RPL7A: variants seen among roughly 807,000 people sequenced by gnomAD.
The protein encoded by RPL7A is large ribosomal subunit protein eL8.
For synonymous variants in RPL7A, 158 were observed against 128.2 expected (o/e 1.23, Z -1.57); for missense variants, 291 against 338.2 (o/e 0.86, Z 1.09).
chr9:133,349,508 C>T, intron 2 of RPL7A, 43 bp from the exon 3 acceptor site: 3 of 1,613,806 alleles, frequency 1.9e-6, no homozygotes, highest in African/African-American at 1.3e-5. Context: ...ATGAACTTGA[C>T]ATGGAATTTG....
Position 133,350,326 on chromosome 9 carries a change from T to C in RPL7A, c.495+7T>C, listed in dbSNP as rs2129992896. 2 of 1,613,906 alleles carry C rather than the reference T, an allele frequency of 1.2e-6. No homozygotes were observed. Among genetic ancestry groups the C allele is most frequent in the Non-Finnish European group, 1.7e-6 (2 of 1,179,950 alleles). On this transcript the variant is annotated splice_region_variant and intron_variant, in intron 5 of 7. Coordinates refer to ENST00000323345, the MANE Select transcript of RPL7A (RefSeq NM_000972.3). Reference sequence around the variant, plus strand: ...CGACGTGGATCCCATCGAGGTGCGTTTGCCTGTTGACTGCTAACCCAAGGG... The same window carrying C: ...CGACGTGGATCCCATCGAGGTGCGTCTGCCTGTTGACTGCTAACCCAAGGG...
rs2129976878 is a variant in RPL7A at position 133,348,224 on chromosome 9, C to T, written c.-20C>T. The T allele has an allele frequency of 1.8e-5, 29 of 1,614,062 alleles. No homozygotes were observed. Among genetic ancestry groups the T allele is most frequent in the Admixed American group, 1.2e-4 (7 of 60,024 alleles). On this transcript the variant is annotated 5_prime_UTR_variant, in exon 1 of 8. Transcript: ENST00000323345. ...TTACCCACAATTCCCTTTCCTTTCT[C>T]TCTCCTCCCGCCGCCCAAGATGGTG...
rs199871779 is a variant in RPL7A at position 133,350,065 on chromosome 9, C to T, written c.415+13C>T. On this transcript the variant is annotated intron_variant, in intron 4 of 7. Coordinates refer to ENST00000323345, the MANE Select transcript of RPL7A (RefSeq NM_000972.3). Reference sequence around the variant, plus strand: ...GTCCTTCGAGCAGGTGAGTAGGCCCCACCTTAGGGTGAACACTGGGGGCGG... The same window carrying T: ...GTCCTTCGAGCAGGTGAGTAGGCCCTACCTTAGGGTGAACACTGGGGGCGG... 1 of 1,613,902 alleles carries T rather than the reference C, an allele frequency of 6.2e-7. No individual in the cohort carries two copies. Among genetic ancestry groups the T allele is most frequent in the African/African-American group, 1.3e-5 (1 of 75,026 alleles).
chr9:133,350,961 A>G (rs2129997290), intron 6 of RPL7A, 41 bp from the exon 7 acceptor site: 1 of 1,606,936 alleles, frequency 6.2e-7, no homozygotes, highest in Admixed American at 1.7e-5. Flanking sequence ...AAGGGAAACT[A>G]AGGCAAAAAA....
chr9:133,348,334 C>G, intron 1 of RPL7A, 88 bp downstream of exon 1: 1 of 1,552,796 alleles, frequency 6.4e-7, no homozygotes, highest in East Asian at 2.2e-5. Context: ...CGGAGGGCCT[C>G]CTGCTCCTCC....
rs2129996180 is a variant in RPL7A, at chr9:133,350,803, A to G, written c.626+76A>G. 1.1e-5 allele frequency: 17 copies of G among 1,596,372 alleles called. 1 individual carries two copies. In the Middle Eastern group the frequency reaches 8.3e-4, roughly 78 times the overall value. On this transcript the variant is annotated intron_variant, in intron 6 of 7. Transcript: ENST00000323345. ...CCTCACAGTTGTTTCCTTTTGCCTTAAAGGCCAATCTTTTAGTTTAAGAAA... is the reference window on the plus strand; with the variant it reads ...CCTCACAGTTGTTTCCTTTTGCCTTGAAGGCCAATCTTTTAGTTTAAGAAA...
chr9:133,348,487 C>T (rs1006127023), intron 1 of RPL7A: 6 of 620,534 alleles, frequency 9.7e-6, no homozygotes, highest in Non-Finnish European at 1.4e-5. Context: ...TGTCGCAGGG[C>T]TGGGTGTCGC....
At chr9:133,348,507 G>A (rs1029304400) in intron 1 of RPL7A, 15 of 607,882 alleles carry the variant, frequency 2.5e-5, no homozygotes, top group Non-Finnish European at 3.8e-5. Flanking sequence ...CAGGCCTGGA[G>A]CACCGCAGTG....
Position 133,351,083 on chromosome 9 carries a change from C to T in RPL7A, c.696+12C>T, listed in dbSNP as rs2129997974. On this transcript the variant is annotated intron_variant, in intron 7 of 7. Coordinates refer to ENST00000323345, the MANE Select transcript of RPL7A (RefSeq NM_000972.3). ...ACAGATACGATGAGGTAAGAGGCAG[C>T]TTTACACCAAAATACTGTCATTCAC... 22 of 1,612,328 alleles carry T rather than the reference C, an allele frequency of 1.4e-5. No individual in the cohort carries two copies. The Admixed American group carries it at 3.5e-4, about 26-fold the overall frequency.
chr9:133,350,900 G>A, intron 6 of RPL7A, 102 bp from the exon 7 acceptor site: 2 of 1,484,014 alleles, frequency 1.3e-6, no homozygotes, highest in South Asian at 1.1e-5. Context: ...GGTCAGCATT[G>A]CATCTGAGGC....
chr9:133,349,243 A>G (rs2129984400), intron 2 of RPL7A: 1 of 748,366 alleles, frequency 1.3e-6, no homozygotes, highest in South Asian at 1.6e-5. Context: ...TCAATATGGT[A>G]GTGGCCTTGA....
intron 6 of RPL7A, 71 bp from the exon 7 acceptor site, chr9:133,350,931 A>C: frequency 6.4e-7 from 1 of 1,553,684 alleles, no homozygotes; most frequent in Middle Eastern, 1.7e-4. Flanking sequence ...CTTGAGCTAA[A>C]AGGTATTTTT....
Position 133,351,294 on chromosome 9 carries a change from T to C in RPL7A, c.729T>C (p.Gly243=), listed in dbSNP as rs1180247060. 1.2e-6 allele frequency: 2 copies of C among 1,613,982 alleles called. No individual in the cohort carries two copies. Among genetic ancestry groups the C allele is most frequent in the East Asian group, 2.2e-5 (1 of 44,902 alleles). The change falls in exon 8 of 8, where the codon GGT becomes GGC. Residue 243 remains glycine (G), a synonymous_variant. Coordinates refer to ENST00000323345, the MANE Select transcript of RPL7A (RefSeq NM_000972.3). ...IRRHWGGNVL[G]PKSVARIAKL... ...GTCACTGGGGTGGCAATGTCCTGGG[T>C]CCTAAGTCTGTGGCTCGTATCGCCA...
chr9:133,350,090 G>A, intron 4 of RPL7A, 38 bp downstream of exon 4: 1 of 1,613,920 alleles, frequency 6.2e-7, no homozygotes, highest in Non-Finnish European at 8.5e-7. Context: ...ACTGGGGGCG[G>A]GCTGTTGCAG....
In RPL7A at chr9:133,348,228, C is replaced by T. The variant is rs2129976951; in HGVS notation, c.-16C>T. The T allele has an allele frequency of 3.6e-5, 58 of 1,614,010 alleles. No individual in the cohort carries two copies. Among genetic ancestry groups the T allele is most frequent in the African/African-American group, 1.1e-4 (8 of 74,940 alleles). On this transcript the variant is annotated 5_prime_UTR_variant, in exon 1 of 8. Coordinates refer to ENST00000323345, the MANE Select transcript of RPL7A (RefSeq NM_000972.3). ...CCACAATTCCCTTTCCTTTCTCTCT[C>T]CTCCCGCCGCCCAAGATGGTGAGTG...
chr9:133,349,813 G>A, intron 3 of RPL7A, 99 bp from the exon 4 acceptor site: 2 of 1,579,698 alleles, frequency 1.3e-6, no homozygotes, highest in South Asian at 1.2e-5. Context: ...TTAAATTATA[G>A]TCATATAGCA....
At chr9:133,348,725 C>T (rs1217457654) in intron 1 of RPL7A, 197 bp from the exon 2 acceptor site, 9 of 843,020 alleles carry the variant, frequency 1.1e-5, no homozygotes, top group Non-Finnish European at 1.8e-5. Context: ...TCGGGGTTCC[C>T]GGGGCTGCAT....
Position 133,349,577 on chromosome 9 carries a change from C to T in RPL7A, c.151C>T (p.Leu51Phe). Residue 51 changes from leucine (L) to phenylalanine (F), a missense_variant, in exon 3 of 8, where the codon CTC becomes TTC. Coordinates refer to ENST00000323345, the MANE Select transcript of RPL7A (RefSeq NM_000972.3). ...ACAGGACATCCAGCCCAAAAGAGAC[C>T]TCACCCGCTTTGTGAAATGGCCCCG... ...IGQDIQPKRD[L>F]TRFVKWPRYI... 1.9e-6 allele frequency: 3 copies of T among 1,614,052 alleles called. No individual in the cohort carries two copies. Among genetic ancestry groups the T allele is most frequent in the Non-Finnish European group, 2.5e-6 (3 of 1,179,980 alleles).
intron 2 of RPL7A, 43 bp from the exon 3 acceptor site, chr9:133,349,508 C>A (rs2129986815): frequency 6.2e-7 from 1 of 1,613,806 alleles, no homozygotes; most frequent in Admixed American, 1.7e-5. Flanking sequence ...ATGAACTTGA[C>A]ATGGAATTTG....
Sources: gnomAD v4.1 joint callset for allele counts on GRCh38, gnomAD v4.1.1 for gene constraint, MANE v1.5 for transcripts, NCBI Gene and HGNC (gene_info 2026-07-23, HGNC 2026-07-21) for gene names.